Variants in MTHFS observed in about 807,000 individuals in gnomAD.
MTHFS encodes the protein 5-formyltetrahydrofolate cyclo-ligase.
MTHFS carries 7 observed loss-of-function variants against 12.7 expected under a neutral mutation model. The ratio of observed to expected loss-of-function variants is 0.55; its 90% CI spans 0.31 to 1.03. MTHFS has a LOEUF of 1.03. MTHFS is among the 50% of genes least tolerant of loss of function. The pLI is 0.05. For synonymous variants in MTHFS, 100 were observed against 97.1 expected, an observed-to-expected ratio of 1.03 and a Z score of -0.18; for missense variants, 252 against 258.1, an observed-to-expected ratio of 0.98 and a Z score of 0.16.
At chr15:79,877,667 C>A (rs1158928112) in intron 2 of MTHFS, 1 of 151,766 alleles carries the variant, frequency 6.6e-6, no homozygotes, top group Non-Finnish European at 1.5e-5. Context: ...TGTCACTGCA[C>A]TTCAGCCTGG....
chr15:79,875,272 G>A (rs2903107), intron 2 of MTHFS, among the ~76,000 whole-genome samples: 2,554 of 139,726 alleles, frequency 0.018, 78 homozygotes, highest in African/African-American at 0.064. Flanking sequence ...CAACAAAAGC[G>A]ACAAAAAAAA....
intron 2 of MTHFS, among the ~76,000 whole-genome samples, chr15:79,861,313 A>C (rs184324507): frequency 5.3e-5 from 8 of 152,138 alleles, no homozygotes; most frequent in African/African-American, 1.9e-4. Flanking sequence ...CCCCCTCCAT[A>C]CACCTGTCTT....
At chr15:79,886,414 C>T (rs2034382824) in intron 2 of MTHFS, among the ~76,000 whole-genome samples, 1 of 152,174 alleles carries the variant, frequency 6.6e-6, no homozygotes, top group African/African-American at 2.4e-5. Flanking sequence ...GCTTTGACCC[C>T]AGACTGAAGT....
At chr15:79,855,621 T>A (rs12594434) in intron 2 of MTHFS, among the ~76,000 whole-genome samples, 43,809 of 152,040 alleles carry the variant, frequency 0.29, 6,844 homozygotes, top group Middle Eastern at 0.35. Flanking sequence ...ACCCAGGTAC[T>A]AAGTATAGTA....
intron 2 of MTHFS, among the ~76,000 whole-genome samples, chr15:79,880,364 G>A (rs1429332698): frequency 6.6e-6 from 1 of 152,032 alleles, no homozygotes; most frequent in Admixed American, 6.6e-5. Flanking sequence ...ACAGGTGTGA[G>A]CCACTGCGCC....
At chr15:79,880,274 G>A (rs918876856) in intron 2 of MTHFS, among the ~76,000 whole-genome samples, 7 of 151,940 alleles carry the variant, frequency 4.6e-5, no homozygotes, top group African/African-American at 1.7e-4. Flanking sequence ...TAAAGACGGG[G>A]TTTCAACATG....
At chr15:79,851,876 G>T (rs1478126070) in intron 2 of MTHFS, among the ~76,000 whole-genome samples, 1 of 152,198 alleles carries the variant, frequency 6.6e-6, no homozygotes, top group Non-Finnish European at 1.5e-5. Context: ...CAGGAGAGGG[G>T]TTAAGTGTGT....
intron 2 of MTHFS, among the ~76,000 whole-genome samples, chr15:79,846,888 G>A (rs2033625687): frequency 1.3e-5 from 2 of 152,302 alleles, no homozygotes; most frequent in Admixed American, 6.5e-5. Context: ...CCTTTCTAAG[G>A]ATTCCTGCCT....
intron 2 of MTHFS, among the ~76,000 whole-genome samples, chr15:79,871,384 ACACATGCATTATTCCCAAAAAAAGAG>A (rs1298555818): frequency 6.6e-6 from 1 of 152,190 alleles, no homozygotes; most frequent in Non-Finnish European, 1.5e-5. Context: ...AGAAGGCCAG[ACACATGCATTATTCCCAAAAAAAGAG>A]GACAGACTGA....
intron 2 of MTHFS, among the ~76,000 whole-genome samples, chr15:79,869,840 T>C (rs1277989691): frequency 1.3e-5 from 2 of 152,068 alleles, no homozygotes; most frequent in African/African-American, 4.8e-5. Context: ...ATAGACAAGA[T>C]AGGGAACTTC....
chr15:79,889,074 C>T lies in MTHFS; in HGVS notation c.379+19G>A, dbSNP rs764978962. 3 of 1,613,002 alleles carry T rather than the reference C, an allele frequency of 1.9e-6. No individual in the cohort carries two copies. The highest frequency in any genetic ancestry group is 2.5e-6 in the Non-Finnish European group (3 of 1,179,198). ...CAACTGGTCATAATCTAACAACATCCTAACACCATAATACTCACCTGTGGA... is the reference window on the plus strand; with the variant it reads ...CAACTGGTCATAATCTAACAACATCTTAACACCATAATACTCACCTGTGGA... On this transcript the variant is annotated intron_variant, in intron 2 of 2. Transcript: ENST00000258874.
chr15:79,896,882 A>T lies in MTHFS; in HGVS notation c.107T>A (p.Leu36Gln), dbSNP rs1349638340. 1 of 1,543,078 alleles carries T rather than the reference A, an allele frequency of 6.5e-7. No homozygotes were observed. The highest frequency in any genetic ancestry group is 2.4e-5 in the East Asian group (1 of 40,840). The change falls in exon 1 of 3, where the codon CTG becomes CAG. Residue 36 changes from leucine to glutamine, a missense_variant. By Grantham distance (113) the Leu-to-Gln change is moderately radical. Coordinates refer to ENST00000258874, the MANE Select transcript of MTHFS (RefSeq NM_006441.4). ...CGGGCGGCCTCGCACCTTCTGGCTC[A>T]GTACGCGGGACTGGCGTAGCCGCTC... is the stretch of plus-strand genomic sequence containing the variant. ...AEERLRQSRV[L>Q]SQKVIAHSEY... is the part of the protein sequence containing the mutation.
At position 79,873,620 on chromosome 15, in the gene MTHFS, T is replaced by C. The variant is rs16971475; in HGVS notation, c.379+15473A>G. Among the ~76,000 whole-genome samples the C allele has an allele frequency of 0.018, 2,753 of 152,294 alleles. 216 individuals carry two copies. In the East Asian group the frequency reaches 0.25, roughly 14 times the overall value. ...CCAGCCATTTCAGGGATTTGGAAGC[T>C]GACCAAAGACTGAGTAGGAACAGCA... On this transcript the variant is annotated intron_variant, in intron 2 of 2. Transcript: ENST00000258874.
intron 2 of MTHFS, among the ~76,000 whole-genome samples, chr15:79,863,878 G>C (rs146555225): frequency 4.6e-5 from 7 of 152,314 alleles, no homozygotes; most frequent in Non-Finnish European, 1.0e-4. Flanking sequence ...ATATTTTGAA[G>C]TTTTCACTGA....
At chr15:79,853,832 T>G (rs1285206655) in intron 2 of MTHFS, among the ~76,000 whole-genome samples, 2 of 152,216 alleles carry the variant, frequency 1.3e-5, no homozygotes, top group Non-Finnish European at 2.9e-5. Context: ...GAAATAGCCT[T>G]TCTCTTTAAA....
intron 1 of MTHFS, among the ~76,000 whole-genome samples, chr15:79,893,759 A>C (rs1051258935): frequency 2.0e-5 from 3 of 151,930 alleles, no homozygotes; most frequent in Non-Finnish European, 4.4e-5. Flanking sequence ...CATAAATATA[A>C]CAATATAAAT....
chr15:79,860,424 T>C (rs2033892771), intron 2 of MTHFS, among the ~76,000 whole-genome samples: 1 of 151,364 alleles, frequency 6.6e-6, no homozygotes, highest in Non-Finnish European at 1.5e-5. Flanking sequence ...ATTTGCAGCA[T>C]ACATGACAGA....
intron 2 of MTHFS, among the ~76,000 whole-genome samples, chr15:79,853,342 C>G (rs1425204139): frequency 6.6e-6 from 1 of 152,166 alleles, no homozygotes; most frequent in African/African-American, 2.4e-5. Flanking sequence ...TCCTGCACAG[C>G]AGTTATCTGT....
At chr15:79,865,341 T>C (rs907792650) in intron 2 of MTHFS, among the ~76,000 whole-genome samples, 3 of 152,214 alleles carry the variant, frequency 2.0e-5, no homozygotes, top group African/African-American at 7.2e-5. Context: ...AAAATGTCTA[T>C]TATGATTAGA....
Sources: gnomAD v4.1 joint callset for allele counts (sites outside exome capture counted in the v4.1 genomes callset) on GRCh38, gnomAD v4.1.1 for gene constraint, MANE v1.5 for transcripts, NCBI Gene and HGNC (gene_info 2026-07-23, HGNC 2026-07-21) for gene names.